Variants in CAMTA1 observed in about 807,000 individuals in gnomAD.
CAMTA1 encodes the protein calmodulin binding transcription activator 1, also known as calmodulin-binding transcription activator 1.
CAMTA1 carries 27 observed loss-of-function variants against 170.9 expected under a neutral mutation model. That is an observed-to-expected ratio of 0.16 (90% CI 0.12 to 0.22). The LOEUF is 0.22. Among genes scored for constraint, CAMTA1 ranks in the 10% least tolerant of loss-of-function variants. The pLI, the probability that CAMTA1 is intolerant of heterozygous loss-of-function variation, is 1.00. For synonymous variants in CAMTA1, 833 were observed against 891.5 expected, an observed-to-expected ratio of 0.93 and a Z score of 1.17; for missense variants, 1,619 against 2,217.2, an observed-to-expected ratio of 0.73 and a Z score of 5.42.
At chr1:7,755,071 A>G (rs748691665) in intron 21 of CAMTA1, among the ~76,000 whole-genome samples, 9 of 152,246 alleles carry the variant, frequency 5.9e-5, no homozygotes, top group Non-Finnish European at 1.3e-4. Context: ...CACGCCTGTA[A>G]TCTCAGTACT....
At chr1:7,721,599 T>C (rs147087685) in intron 11 of CAMTA1, among the ~76,000 whole-genome samples, 2,274 of 152,216 alleles carry the variant, frequency 0.015, 32 homozygotes, top group Admixed American at 0.023. Flanking sequence ...TTGGAGAACA[T>C]TGAGTTATGA....
At chr1:6,786,018 C>CA (rs1639174695) in intron 1 of CAMTA1, among the ~76,000 whole-genome samples, 18 of 151,572 alleles carry the variant, frequency 1.2e-4, no homozygotes, top group Non-Finnish European at 2.1e-4. Flanking sequence ...GTCCTCCTGG[C>CA]CCCGCGCCCC....
chr1:6,860,434 C>G (rs1664236426), intron 3 of CAMTA1, among the ~76,000 whole-genome samples: 1 of 152,090 alleles, frequency 6.6e-6, no homozygotes, highest in Non-Finnish European at 1.5e-5. Flanking sequence ...TGAGATGTTG[C>G]CATTACCATG....
chr1:6,787,076 A>G (rs546094549), intron 1 of CAMTA1, among the ~76,000 whole-genome samples: 2 of 152,352 alleles, frequency 1.3e-5, no homozygotes, highest in South Asian at 2.1e-4. Flanking sequence ...TTTCCTGGAT[A>G]TAAACTTCCC....
intron 7 of CAMTA1, among the ~76,000 whole-genome samples, chr1:7,646,822 G>T (rs968171744): frequency 3.3e-5 from 5 of 152,002 alleles, no homozygotes; most frequent in Admixed American, 6.5e-5. Flanking sequence ...GTTGAGTTGG[G>T]TGGAGGCCCT....
rs183773862 is a variant in CAMTA1, at chr1:7,682,838, C to G, written c.2914+5105C>G. Among the ~76,000 whole-genome samples, 1 of 152,304 alleles carries G rather than the reference C, an allele frequency of 6.6e-6. No individual in the cohort carries two copies. The highest frequency in any genetic ancestry group is 2.4e-5 in the African/African-American group (1 of 41,552). The stretch of plus-strand genomic sequence containing the variant: ...CACCTCCGAGCAACCCTCAGCTGGC[C>G]CATGAACACATCGCATGACATGGGA... On this transcript the variant is annotated intron_variant, in intron 11 of 22. Coordinates refer to ENST00000303635, the MANE Select transcript of CAMTA1 (RefSeq NM_015215.4). The surrounding 1 kb of genome is among the most constrained non-coding windows in gnomAD (Gnocchi z 5.0).
chr1:7,212,944 T>A (rs1659045902), intron 4 of CAMTA1, among the ~76,000 whole-genome samples: 1 of 152,248 alleles, frequency 6.6e-6, no homozygotes, highest in Non-Finnish European at 1.5e-5. Context: ...ATTAAGAGTT[T>A]ACTTCTTTTT....
chr1:7,303,740 A>G (rs2149567867), intron 5 of CAMTA1, among the ~76,000 whole-genome samples: 1 of 152,346 alleles, frequency 6.6e-6, no homozygotes, highest in East Asian at 1.9e-4. Context: ...GGAAAAACAA[A>G]GCAGAGAAAA....
At chr1:7,594,154 A>G (rs542495997) in intron 6 of CAMTA1, among the ~76,000 whole-genome samples, 96 of 146,384 alleles carry the variant, frequency 6.6e-4, no homozygotes, top group African/African-American at 2.3e-3. Context: ...AAGGAAGGAA[A>G]GAAGGAAGGA....
intron 5 of CAMTA1, among the ~76,000 whole-genome samples, chr1:7,405,939 T>G (rs541054745): frequency 4.6e-5 from 7 of 152,014 alleles, no homozygotes; most frequent in Non-Finnish European, 1.0e-4. Context: ...CTGTTGGGGA[T>G]TTGGGGGATT....
chr1:6,786,687 C>G (rs1312549941), intron 1 of CAMTA1, among the ~76,000 whole-genome samples: 2 of 152,124 alleles, frequency 1.3e-5, no homozygotes, highest in Non-Finnish European at 2.9e-5. Flanking sequence ...TTGAGTTGCC[C>G]TCCTTTTCTT....
At chr1:7,410,643 T>C (rs1298393318) in intron 5 of CAMTA1, among the ~76,000 whole-genome samples, 1 of 152,232 alleles carries the variant, frequency 6.6e-6, no homozygotes, top group Non-Finnish European at 1.5e-5. Flanking sequence ...AATGTACTTA[T>C]CTCAGCTCAG....
intron 3 of CAMTA1, among the ~76,000 whole-genome samples, chr1:6,977,103 G>C (rs75077858): frequency 6.6e-6 from 1 of 152,154 alleles, no homozygotes; most frequent in Admixed American, 6.5e-5. Context: ...TATTAGCAGC[G>C]TCAGAACAGA....
intron 5 of CAMTA1, among the ~76,000 whole-genome samples, chr1:7,414,161 G>A (rs1404721688): frequency 5.3e-5 from 8 of 152,218 alleles, no homozygotes; most frequent in African/African-American, 1.9e-4. Flanking sequence ...CGGTTTGCCA[G>A]TGTTTTATTG....
chr1:7,370,373 C>T (rs560374264), intron 5 of CAMTA1: 47 of 152,308 alleles, frequency 3.1e-4, no homozygotes, highest in African/African-American at 1.0e-3. Flanking sequence ...CCCAACTATG[C>T]TCTGTGTTTT....
At chr1:7,074,258 A>G (rs1207897591) in intron 3 of CAMTA1, among the ~76,000 whole-genome samples, 1 of 152,210 alleles carries the variant, frequency 6.6e-6, no homozygotes, top group Non-Finnish European at 1.5e-5. Flanking sequence ...GGCTGTGCAA[A>G]TGAAGCACGC....
chr1:7,261,578 C>T (rs556434308), intron 5 of CAMTA1, among the ~76,000 whole-genome samples: 69 of 152,336 alleles, frequency 4.5e-4, no homozygotes, highest in African/African-American at 1.5e-3. Flanking sequence ...TAGTGAGTTG[C>T]ATCTGGACCA....
intron 6 of CAMTA1, among the ~76,000 whole-genome samples, chr1:7,474,138 ATTAG>A (rs2093380782): frequency 7.9e-6 from 1 of 127,122 alleles, no homozygotes; most frequent in East Asian, 2.3e-4. Flanking sequence ...AGAAGCACCT[ATTAG>A]CTGTGTGACA....
chr1:7,261,653 T>C (rs1289108447), intron 5 of CAMTA1, among the ~76,000 whole-genome samples: 1 of 152,196 alleles, frequency 6.6e-6, no homozygotes, highest in Non-Finnish European at 1.5e-5. Flanking sequence ...GAGGCATTCC[T>C]GTTCTCAAAT....
Sources: allele counts gnomAD v4.1 joint callset (sites outside exome capture counted in the v4.1 genomes callset), GRCh38; gene constraint gnomAD v4.1.1; non-coding constraint Gnocchi (gnomAD v3.1); transcripts MANE v1.5; gene names NCBI Gene and HGNC (gene_info 2026-07-23, HGNC 2026-07-21).